The following AUTS2 variants were observed in gnomAD, a reference collection of about 807,000 sequenced individuals.
The protein encoded by AUTS2 is autism susceptibility gene 2 protein.
AUTS2 carries 17 observed loss-of-function variants against 112.4 expected under a neutral mutation model. That is an observed-to-expected ratio of 0.15 (90% confidence interval 0.10 to 0.23). The LOEUF (loss-of-function observed/expected upper bound fraction) is 0.23. Ranked by LOEUF, AUTS2 falls within the 10% of genes least tolerant of loss-of-function variation. The pLI, the probability that AUTS2 is intolerant of heterozygous loss-of-function variation, is 1.00. For missense variants in AUTS2, 1,510 were observed against 1,701.6 expected (o/e 0.89, Z 1.98); for synonymous variants, 751 against 702.7 (o/e 1.07, Z -1.09).
At chr7:70,579,380 A>C (rs1802333901) in intron 5 of AUTS2, among the ~76,000 whole-genome samples, 1 of 152,106 alleles carries the variant, frequency 6.6e-6, no homozygotes, top group African/African-American at 2.4e-5. Context: ...TTCAAATGAA[A>C]TTGAGATGAA....
In AUTS2 at chr7:69,598,540, C is replaced by T. The variant is rs1445423832; in HGVS notation, c.-1114C>T. 5 of 168,864 alleles carry T rather than the reference C, an allele frequency of 3.0e-5. No individual in the cohort carries two copies. The highest frequency in any genetic ancestry group is 6.2e-5 in the Non-Finnish European group (5 of 81,090). The allele number at this position is 168,864 out of a possible 1,614,324, so 10.5% of individuals were successfully genotyped here. ...TGCACCCTCCGGCTCGGGGCTTTCTCGGCGGCGGCGGCGGCAGCAGCAGCA... is the reference window on the plus strand; with the variant it reads ...TGCACCCTCCGGCTCGGGGCTTTCTTGGCGGCGGCGGCGGCAGCAGCAGCA... On this transcript the variant is annotated 5_prime_UTR_variant, in exon 1 of 19. Coordinates refer to ENST00000342771, the MANE Select transcript of AUTS2 (RefSeq NM_015570.4).
intron 5 of AUTS2, among the ~76,000 whole-genome samples, chr7:70,689,042 G>A (rs1382928954): frequency 6.6e-6 from 1 of 151,926 alleles, no homozygotes; most frequent in East Asian, 1.9e-4. Context: ...TGGATTCAGG[G>A]TCGACTTTAT....
At chr7:69,676,601 TAA>T (rs1796575449) in intron 1 of AUTS2, among the ~76,000 whole-genome samples, 1 of 152,222 alleles carries the variant, frequency 6.6e-6, no homozygotes, top group Non-Finnish European at 1.5e-5. Context: ...GTGACTTAAG[TAA>T]GTCTGACAAT....
chr7:70,294,664 G>A (rs1788851986), intron 4 of AUTS2, among the ~76,000 whole-genome samples: 1 of 152,206 alleles, frequency 6.6e-6, no homozygotes, highest in Non-Finnish European at 1.5e-5. Flanking sequence ...TTCGGTCACA[G>A]GCTGGTTTGG....
At chr7:69,667,194 A>G (rs907132325) in intron 1 of AUTS2, among the ~76,000 whole-genome samples, 11 of 152,038 alleles carry the variant, frequency 7.2e-5, no homozygotes, top group Admixed American at 2.6e-4. Context: ...ACAATAACCC[A>G]TTAATCCACC....
chr7:70,033,674 T>A (rs559701320), intron 2 of AUTS2, among the ~76,000 whole-genome samples: 1 of 152,240 alleles, frequency 6.6e-6, no homozygotes, highest in East Asian at 1.9e-4. Context: ...ACAAAAAGAA[T>A]CTTCTGCATT....
At chr7:70,716,212 T>TA (rs1402716369) in intron 6 of AUTS2, among the ~76,000 whole-genome samples, 1 of 152,208 alleles carries the variant, frequency 6.6e-6, no homozygotes, top group African/African-American at 2.4e-5. Context: ...GTCCGTCTAT[T>TA]ACCTGTGAGA....
At chr7:69,968,816 A>AT (rs1797732105) in intron 2 of AUTS2, among the ~76,000 whole-genome samples, 2 of 152,130 alleles carry the variant, frequency 1.3e-5, no homozygotes, top group African/African-American at 4.8e-5. Flanking sequence ...TTAAAAAAAA[A>AT]GTTAGAACAT....
intron 4 of AUTS2, among the ~76,000 whole-genome samples, chr7:70,220,679 A>G (rs959115486): frequency 2.0e-5 from 3 of 152,214 alleles, no homozygotes; most frequent in African/African-American, 7.2e-5. Context: ...TCCTGAAGAA[A>G]AAGGCTGTGG....
At chr7:70,187,482 A>G (rs1015347465) in intron 4 of AUTS2, among the ~76,000 whole-genome samples, 4 of 152,186 alleles carry the variant, frequency 2.6e-5, no homozygotes, top group Non-Finnish European at 5.9e-5. Context: ...TATATAAACT[A>G]GATTATGCTT....
chr7:70,333,910 A>G (rs925782987), intron 4 of AUTS2, among the ~76,000 whole-genome samples: 2 of 152,204 alleles, frequency 1.3e-5, no homozygotes, highest in African/African-American at 4.8e-5. Flanking sequence ...TACTTATGTA[A>G]CAAACCTGCA....
At chr7:70,003,047 T>A (rs918258300) in intron 2 of AUTS2, among the ~76,000 whole-genome samples, 20 of 150,146 alleles carry the variant, frequency 1.3e-4, no homozygotes, top group Non-Finnish European at 2.8e-4. Context: ...TTTGAGCATC[T>A]TTCAAAGAGT....
chr7:69,688,774 A>G (rs1265904518), intron 1 of AUTS2, among the ~76,000 whole-genome samples: 7 of 152,140 alleles, frequency 4.6e-5, no homozygotes, highest in South Asian at 2.1e-4. Flanking sequence ...AGCTCTCCCT[A>G]TCTTCCCCAC....
chr7:69,828,881 A>T (rs370224214), intron 1 of AUTS2, among the ~76,000 whole-genome samples: 1 of 152,180 alleles, frequency 6.6e-6, no homozygotes, highest in Admixed American at 6.5e-5. Flanking sequence ...CCTAAAACAT[A>T]GTATAAGGCA....
At chr7:70,665,067 T>G (rs1321710634) in intron 5 of AUTS2, among the ~76,000 whole-genome samples, 5 of 152,096 alleles carry the variant, frequency 3.3e-5, no homozygotes, top group Non-Finnish European at 5.9e-5. Flanking sequence ...AGAGAGACCC[T>G]GTCTCAAAAG....
intron 4 of AUTS2, among the ~76,000 whole-genome samples, chr7:70,277,090 AGTT>A (rs1408746807): frequency 6.6e-6 from 1 of 152,218 alleles, no homozygotes; most frequent in African/African-American, 2.4e-5. Flanking sequence ...CAAGGCCAGT[AGTT>A]GAGAGCTTTG....
intron 4 of AUTS2, among the ~76,000 whole-genome samples, chr7:70,402,621 C>G (rs539590171): frequency 6.6e-6 from 1 of 152,114 alleles, no homozygotes; most frequent in African/African-American, 2.4e-5. Context: ...GGCTTGCATG[C>G]GGGAAGAGCA....
chr7:69,639,335 C>T (rs1247840767), intron 1 of AUTS2, among the ~76,000 whole-genome samples: 1 of 152,108 alleles, frequency 6.6e-6, no homozygotes, highest in Non-Finnish European at 1.5e-5. Context: ...GGTTATAACT[C>T]AAGAGAAAGG....
chr7:70,445,287 A>C (rs753671698), intron 5 of AUTS2, among the ~76,000 whole-genome samples: 4 of 152,148 alleles, frequency 2.6e-5, no homozygotes, highest in Non-Finnish European at 4.4e-5. Context: ...CCCTCTTCCC[A>C]TGCCGTGCTG....
Sources: allele counts gnomAD v4.1 joint callset (sites outside exome capture counted in the v4.1 genomes callset), GRCh38; gene constraint gnomAD v4.1.1; transcripts MANE v1.5; gene names NCBI Gene and HGNC (gene_info 2026-07-23, HGNC 2026-07-21).